DACH2: variants seen among roughly 807,000 people sequenced by gnomAD.
DACH2 encodes the protein dachshund family transcription factor 2.
Under a neutral mutation model 35.8 loss-of-function variants are expected in DACH2, and 17 were observed. That is an observed-to-expected ratio of 0.48 (90% CI 0.33 to 0.71). The LOEUF (loss-of-function observed/expected upper bound fraction) is 0.71, where lower values mean the gene tolerates loss of function less well. Among genes scored for constraint, DACH2 ranks in the 30% least tolerant of loss-of-function variants. The pLI, the probability that DACH2 is intolerant of heterozygous loss-of-function variation, is 0.02. For synonymous variants in DACH2, 195 were observed against 177.3 expected, an observed-to-expected ratio of 1.10 and a Z score of -0.79; for missense variants, 469 against 472.7, an observed-to-expected ratio of 0.99 and a Z score of 0.07.
chrX:86,667,614 A>AAGAAAGAAAGAAAGAAAGAAAGGCAGGC (rs1556364404), intron 4 of DACH2, among the ~76,000 whole-genome samples: 1 of 96,974 alleles, frequency 1.0e-5, no homozygotes, highest in Non-Finnish European at 2.1e-5. Context: ...GAAAGAAAGA[A>AAGAAAGAAAGAAAGAAAGAAAGGCAGGC]AGGCAGGCAG....
rs188612934 is a variant in DACH2 at position 86,307,018 on chromosome X, G to A, written c.489-69806G>A. 9.8e-5 allele frequency among the ~76,000 whole-genome samples: 11 copies of A among 111,735 alleles called. No homozygotes were observed. The East Asian group carries it at 1.4e-3, about 14-fold the overall frequency. ...TGGCATGAACTATTTAGATAGTTAC[G>A]CAAAATAAATGCATTTGACACTCCT... On this transcript the variant is annotated intron_variant, in intron 1 of 11. Transcript: ENST00000373125.
chrX:86,621,554 A>T (rs1032508540), intron 3 of DACH2, among the ~76,000 whole-genome samples: 5 of 111,262 alleles, frequency 4.5e-5, no homozygotes, highest in South Asian at 3.7e-4. Flanking sequence ...TTAATAATAA[A>T]AAAAAAAGAA....
intron 1 of DACH2, among the ~76,000 whole-genome samples, chrX:86,171,020 A>G (rs1017194405): frequency 8.9e-6 from 1 of 112,070 alleles, no homozygotes; most frequent in Non-Finnish European, 1.9e-5. Context: ...AGGCAATCAG[A>G]TATGCATCTA....
chrX:86,813,052 C>A (rs1233881840), intron 8 of DACH2, 48 bp downstream of exon 8: 8 of 1,137,199 alleles, frequency 7.0e-6, no homozygotes, highest in Non-Finnish European at 9.4e-6. Flanking sequence ...AAGACATTAG[C>A]ACCTACATAT....
chrX:86,435,140 G>C (rs777770009), intron 2 of DACH2, among the ~76,000 whole-genome samples: 1 of 111,403 alleles, frequency 9.0e-6, no homozygotes, highest in Non-Finnish European at 1.9e-5. Flanking sequence ...TTCAAACAAC[G>C]TCACAGAATT....
chrX:86,508,842 C>A (rs1439576276), intron 2 of DACH2, among the ~76,000 whole-genome samples: 1 of 111,474 alleles, frequency 9.0e-6, no homozygotes, highest in African/African-American at 3.3e-5. Context: ...AGTTATACTT[C>A]CTGTCAAGTG....
At chrX:86,646,729 C>T (rs2040419783) in intron 3 of DACH2, among the ~76,000 whole-genome samples, 1 of 109,641 alleles carries the variant, frequency 9.1e-6, no homozygotes, top group African/African-American at 3.3e-5. Flanking sequence ...ATAAGGATAT[C>T]CTGCAACTCA....
intron 1 of DACH2, among the ~76,000 whole-genome samples, chrX:86,198,247 T>G (rs1277104506): frequency 8.9e-6 from 1 of 112,018 alleles, no homozygotes; most frequent in Non-Finnish European, 1.9e-5. Flanking sequence ...CCAGAATCTC[T>G]GGGGCACAGC....
At chrX:86,354,953 A>T (rs1340889698) in intron 1 of DACH2, among the ~76,000 whole-genome samples, 1 of 111,823 alleles carries the variant, frequency 8.9e-6, no homozygotes, top group Non-Finnish European at 1.9e-5. Context: ...GTATATGTGC[A>T]ATTTTATTCC....
At chrX:86,726,161 C>A (rs190961123) in intron 6 of DACH2, among the ~76,000 whole-genome samples, 1 of 111,471 alleles carries the variant, frequency 9.0e-6, no homozygotes, top group Non-Finnish European at 1.9e-5. Context: ...GAGCACCATG[C>A]GCAGGTAGCT....
In DACH2 at chrX:86,646,922, C is replaced by G. The variant is rs983659178; in HGVS notation, c.641-4114C>G. 5.5e-5 allele frequency among the ~76,000 whole-genome samples: 6 copies of G among 108,677 alleles called. 1 individual carries two copies. In the Admixed American group the frequency reaches 6.0e-4, roughly 11 times the overall value. 94.4% of individuals were successfully genotyped at this position (108,677 alleles called of 115,157 possible). A position where few individuals can be genotyped will look rare whatever the true frequency, so the allele number is the denominator to read the frequency against. On this transcript the variant is annotated intron_variant, in intron 3 of 11. Coordinates refer to ENST00000373125, the MANE Select transcript of DACH2 (RefSeq NM_053281.3). ...AATGACCAACAGGTATATGAAAAAA[C>G]ATGTTCAACATCACTAATCATCAGG...
At chrX:86,493,178 G>C (rs1206631878) in intron 2 of DACH2, among the ~76,000 whole-genome samples, 2 of 110,754 alleles carry the variant, frequency 1.8e-5, no homozygotes, top group African/African-American at 6.6e-5. Flanking sequence ...TCTGACTGGT[G>C]TAAGATGGCA....
chrX:86,667,348 A>AGGAT (rs2040687614), intron 4 of DACH2, among the ~76,000 whole-genome samples: 1 of 82,551 alleles, frequency 1.2e-5, no homozygotes, highest in Non-Finnish European at 2.4e-5. Context: ...GAAGGAAGGA[A>AGGAT]GGAAGGAAGA....
In DACH2 at chrX:86,649,651, C is replaced by CA. The variant is rs1209542198; in HGVS notation, c.641-1383dup. 1.1e-4 allele frequency among the ~76,000 whole-genome samples: 12 copies of CA among 111,185 alleles called. No individual in the cohort carries two copies. In the East Asian group the frequency reaches 3.1e-3, roughly 29 times the overall value. The stretch of plus-strand genomic sequence containing the variant: ...TTTTTTCTTTGCGATGATTTAGAGA[C>CA]AATCTAATGTGATGAAAAGTTTGCT... On this transcript the variant is annotated intron_variant, in intron 3 of 11. Coordinates refer to ENST00000373125, the MANE Select transcript of DACH2 (RefSeq NM_053281.3).
chrX:86,162,239 C>T lies in DACH2; in HGVS notation c.488+13131C>T, dbSNP rs911706378. 3.6e-5 allele frequency among the ~76,000 whole-genome samples: 4 copies of T among 110,866 alleles called. No individual in the cohort carries two copies. The Admixed American group carries it at 3.9e-4, about 11-fold the overall frequency. On this transcript the variant is annotated intron_variant, in intron 1 of 11. Coordinates refer to ENST00000373125, the MANE Select transcript of DACH2 (RefSeq NM_053281.3). ...GATTCATGTTCCTTCAAAGAAGGGG[C>T]AGTGAAGCTCAATAATTTAGTTTTC...
At chrX:86,151,846 C>G (rs1000359930) in intron 1 of DACH2, among the ~76,000 whole-genome samples, 1 of 110,677 alleles carries the variant, frequency 9.0e-6, no homozygotes, top group African/African-American at 3.3e-5. Context: ...CCAAGAGAGA[C>G]AAAGTAAGGT....
At chrX:86,734,765 G>C (rs1281607698) in intron 6 of DACH2, among the ~76,000 whole-genome samples, 2 of 82,099 alleles carry the variant, frequency 2.4e-5, no homozygotes, top group Non-Finnish European at 4.7e-5. Flanking sequence ...AGCTACGTTA[G>C]TAAAAACAAT....
At chrX:86,703,298 C>T (rs1435098992) in intron 5 of DACH2, among the ~76,000 whole-genome samples, 3 of 110,586 alleles carry the variant, frequency 2.7e-5, no homozygotes, top group African/African-American at 9.9e-5. Flanking sequence ...TATGACAAAC[C>T]AACAGCCAGC....
At chrX:86,476,368 C>G (rs1374016718) in intron 2 of DACH2, among the ~76,000 whole-genome samples, 6 of 111,264 alleles carry the variant, frequency 5.4e-5, no homozygotes, top group Admixed American at 3.8e-4. Flanking sequence ...TTATTTCTTC[C>G]TGGTTTAATC....
Sources: gnomAD v4.1 joint callset for allele counts (sites outside exome capture counted in the v4.1 genomes callset) on GRCh38, gnomAD v4.1.1 for gene constraint, MANE v1.5 for transcripts, NCBI Gene and HGNC (gene_info 2026-07-23, HGNC 2026-07-21) for gene names.